Variants in PIGN observed in about 807,000 individuals in gnomAD.
PIGN encodes the protein phosphatidylinositol glycan anchor biosynthesis class N, also known as GPI ethanolamine phosphate transferase 1.
Under a neutral mutation model 125.4 loss-of-function variants are expected in PIGN, and 117 were observed. That is an observed-to-expected ratio of 0.93 (90% confidence interval 0.80 to 1.09). The LOEUF (loss-of-function observed/expected upper bound fraction) is 1.09, where lower values mean the gene tolerates loss of function less well. Among genes scored for constraint, PIGN ranks in the 50% least tolerant of loss-of-function variants. The pLI, the probability that PIGN is intolerant of heterozygous loss-of-function variation, is 0.00. For synonymous variants in PIGN, 392 were observed against 377.8 expected (o/e 1.04, Z -0.44); for missense variants, 1,075 against 1,094.9 (o/e 0.98, Z 0.26).
rs55715769 is a variant in PIGN at position 62,140,371 on chromosome 18, G to A, written c.1023+49C>T. 0.25 allele frequency: 209,534 copies of A among 826,692 alleles called. 28,298 individuals are homozygous for A. The highest frequency in any genetic ancestry group is 0.34 in the Middle Eastern group (1,392 of 4,134). The allele number at this position is 826,692 out of a possible 1,614,324, so 51.2% of individuals were successfully genotyped here. A position where few individuals can be genotyped will look rare whatever the true frequency, so the allele number is the denominator to read the frequency against. On this transcript the variant is annotated intron_variant, in intron 12 of 30. Transcript: ENST00000640252. ...TAAAAAAGAGTACATTTTACTGTGC[G>A]ATAGTTTTTTTTTATACTGAGAGTT...
intron 23 of PIGN, among the ~76,000 whole-genome samples, chr18:62,033,244 G>T (rs2030216701): frequency 6.6e-6 from 1 of 152,100 alleles, no homozygotes; most frequent in Non-Finnish European, 1.5e-5. Flanking sequence ...CAAATAAGAA[G>T]GTAGAACGCT....
At chr18:62,046,180 G>A (rs966999871) in intron 30 of PIGN, among the ~76,000 whole-genome samples, 3 of 152,110 alleles carry the variant, frequency 2.0e-5, no homozygotes, top group Non-Finnish European at 4.4e-5. Flanking sequence ...AGCTGTCCAT[G>A]GACTGGTTCC....
intron 14 of PIGN, among the ~76,000 whole-genome samples, chr18:62,131,860 G>A (rs534050381): frequency 6.6e-6 from 1 of 152,054 alleles, no homozygotes; most frequent in Non-Finnish European, 1.5e-5. Context: ...TGGAAAAATG[G>A]TGAAGATACC....
chr18:62,113,120 T>G lies in PIGN; in HGVS notation c.1434+14A>C, dbSNP rs1568188639. On this transcript the variant is annotated intron_variant, in intron 16 of 30. Transcript: ENST00000640252. ...TTATACCATCATCTGAATCCTCACA[T>G]TTTCTAAACGTACCTTCACTTCTTT... 1 of 1,586,952 alleles carries G rather than the reference T, an allele frequency of 6.3e-7. No homozygotes were observed. The highest frequency in any genetic ancestry group is 8.6e-7 in the Non-Finnish European group (1 of 1,163,804).
intron 13 of PIGN, among the ~76,000 whole-genome samples, 181 bp from the exon 14 acceptor site, chr18:62,138,479 C>T (rs1038458067): frequency 6.6e-6 from 1 of 152,118 alleles, no homozygotes. Flanking sequence ...CTTACTATCT[C>T]AATAAGCTGA....
chr18:62,034,382 T>G (rs1383581319), intron 23 of PIGN, among the ~76,000 whole-genome samples: 2 of 152,164 alleles, frequency 1.3e-5, no homozygotes, highest in Non-Finnish European at 2.9e-5. Context: ...TACTGCCTAG[T>G]GGAGCTGTAA....
At chr18:62,051,381 C>T (rs2031270403) in intron 30 of PIGN, among the ~76,000 whole-genome samples, 1 of 152,136 alleles carries the variant, frequency 6.6e-6, no homozygotes, top group Non-Finnish European at 1.5e-5. Context: ...ATTTCAGAGC[C>T]TGTTATTGGA....
chr18:62,140,713 T>C (rs972003698), intron 11 of PIGN, among the ~76,000 whole-genome samples: 1 of 152,106 alleles, frequency 6.6e-6, no homozygotes, highest in Admixed American at 6.5e-5. Flanking sequence ...ATGTAAAACA[T>C]ACTAAAACAA....
chr18:62,162,480 T>G (rs2036989384), intron 2 of PIGN, 151 bp from the exon 3 acceptor site: 1 of 152,036 alleles, frequency 6.6e-6, no homozygotes, highest in Admixed American at 6.5e-5. Context: ...GCCTGAAGAA[T>G]CACATCATGG....
chr18:62,063,844 C>T (rs745993879), intron 30 of PIGN, among the ~76,000 whole-genome samples: 4 of 146,484 alleles, frequency 2.7e-5, no homozygotes, highest in African/African-American at 5.1e-5. Context: ...AACCAAACAC[C>T]GCATGTTCTC....
intron 1 of PIGN, 122 bp downstream of exon 1, chr18:62,186,722 A>C (rs1476992456): frequency 6.6e-6 from 1 of 152,262 alleles, no homozygotes; most frequent in African/African-American, 2.4e-5. Flanking sequence ...TGGGGACAAA[A>C]TGTCACCACT....
chr18:62,029,894 C>G (rs1474067544), intron 23 of PIGN, among the ~76,000 whole-genome samples: 1 of 152,306 alleles, frequency 6.6e-6, no homozygotes, highest in South Asian at 2.1e-4. Flanking sequence ...CCTGAAGGAG[C>G]AGGTCTACCA....
chr18:62,182,277 AC>A (rs1406576594), intron 1 of PIGN, among the ~76,000 whole-genome samples: 4 of 152,180 alleles, frequency 2.6e-5, no homozygotes, highest in Admixed American at 6.5e-5. Context: ...CTCCAAATCC[AC>A]ATATGTAACT....
intron 11 of PIGN, among the ~76,000 whole-genome samples, chr18:62,142,826 A>T (rs2036186034): frequency 1.3e-5 from 2 of 152,328 alleles, no homozygotes; most frequent in Non-Finnish European, 2.9e-5. Flanking sequence ...TTTTCCTCTA[A>T]CAGAAGGTTT....
Position 62,145,935 on chromosome 18 carries a change from T to G in PIGN, c.896A>C (p.Gln299Pro). ...GIKYPQRVSA[Q>P]QFDDAFLKEW... is the part of the protein sequence containing the mutation. ...TTTCAAAAATGCATCATCAAATTGC[T>G]GAGCTGATACTCTTTGGGGATACTT... The change falls in exon 10 of 31, where the codon CAG becomes CCG. Residue 299 changes from glutamine to proline, a missense_variant. Transcript: ENST00000640252. 2 of 1,595,806 alleles carry G rather than the reference T, an allele frequency of 1.3e-6. No individual in the cohort carries two copies. The highest frequency in any genetic ancestry group is 1.7e-6 in the Non-Finnish European group (2 of 1,163,940).
intron 23 of PIGN, among the ~76,000 whole-genome samples, chr18:62,030,113 T>C (rs2030174944): frequency 6.6e-6 from 1 of 152,186 alleles, no homozygotes; most frequent in Non-Finnish European, 1.5e-5. Flanking sequence ...CAGACTGACA[T>C]GAGATAAGAT....
intron 22 of PIGN, among the ~76,000 whole-genome samples, chr18:62,097,943 C>G (rs1176071152): frequency 6.6e-6 from 1 of 152,156 alleles, no homozygotes; most frequent in East Asian, 1.9e-4. Context: ...TCTAATCCCC[C>G]TAGTGCTCTA....
intron 19 of PIGN, 144 bp downstream of exon 19, chr18:62,106,645 C>G: frequency 4.9e-6 from 3 of 615,964 alleles, no homozygotes; most frequent in Non-Finnish European, 8.7e-6. Context: ...CAGGTAATGT[C>G]AGTCCTCCTA....
At chr18:62,018,818 A>G (rs75184527) in intron 23 of PIGN, among the ~76,000 whole-genome samples, 11,728 of 152,032 alleles carry the variant, frequency 0.077, 648 homozygotes, top group African/African-American at 0.16. Flanking sequence ...GCCAGAAAGG[A>G]GCTAACCTCA....
Sources: gnomAD v4.1 joint callset for allele counts (sites outside exome capture counted in the v4.1 genomes callset) on GRCh38, gnomAD v4.1.1 for gene constraint, MANE v1.5 for transcripts, NCBI Gene and HGNC (gene_info 2026-07-23, HGNC 2026-07-21) for gene names.